ACSM3: variants seen among roughly 807,000 people sequenced by gnomAD.
ACSM3 encodes acyl-coenzyme A synthetase ACSM3, mitochondrial.
Under a neutral mutation model 74.1 loss-of-function variants are expected in ACSM3, and 61 were observed. That is an observed-to-expected ratio of 0.82 (90% confidence interval 0.67 to 1.02). The LOEUF (loss-of-function observed/expected upper bound fraction) is 1.02, where lower values mean the gene tolerates loss of function less well. Ranked by LOEUF, ACSM3 falls within the 50% of genes least tolerant of loss-of-function variation. The pLI is 0.00. For synonymous variants in ACSM3, 213 were observed against 241.5 expected (o/e 0.88, Z 1.09); for missense variants, 660 against 697.0 (o/e 0.95, Z 0.60).
At chr16:20,729,350 T>G (rs1293408162) in intron 1 of ACSM3, 3 of 1,447,504 alleles carry the variant, frequency 2.1e-6, no homozygotes, top group Non-Finnish European at 2.9e-6. Context: ...TGTCATTATT[T>G]CCTCTGGGTT....
intron 1 of ACSM3, among the ~76,000 whole-genome samples, chr16:20,707,898 C>A (rs1465416115): frequency 3.3e-5 from 5 of 152,146 alleles, no homozygotes; most frequent in Admixed American, 2.0e-4. Flanking sequence ...AATTGGATAT[C>A]TATGAATTGT....
intron 7 of ACSM3, among the ~76,000 whole-genome samples, chr16:20,782,206 A>C: frequency 6.6e-6 from 1 of 152,202 alleles, no homozygotes; most frequent in East Asian, 1.9e-4. Context: ...AAAGAAAAAC[A>C]ACCCCCGTTT....
chr16:20,796,347 G>A, intron 12 of ACSM3, 23 bp from the exon 13 acceptor site: 1 of 1,601,068 alleles, frequency 6.2e-7, no homozygotes, highest in Non-Finnish European at 8.5e-7. Flanking sequence ...TCATTTTCCT[G>A]GTGTTTCAAA....
rs371641001 is a variant in ACSM3, at chr16:20,776,198, G to A, written c.430+149G>A. On this transcript the variant is annotated intron_variant, in intron 3 of 13. Transcript: ENST00000289416. ...TTATATAAAAGTTAGGCCGTGGTAG[G>A]CTAATTCCTTATCCCTAGGTGGAAC... is the stretch of plus-strand genomic sequence containing the variant. 9 of 814,826 alleles carry A rather than the reference G, an allele frequency of 1.1e-5. No individual in the cohort carries two copies. In the African/African-American group the frequency reaches 1.6e-4, roughly 14 times the overall value. The allele number at this position is 814,826 out of a possible 1,614,324, so 50.5% of individuals were successfully genotyped here. A position where few individuals can be genotyped will look rare whatever the true frequency, so the allele number is the denominator to read the frequency against.
At chr16:20,718,670 GC>G (rs2079774315) in intron 1 of ACSM3, among the ~76,000 whole-genome samples, 1 of 152,260 alleles carries the variant, frequency 6.6e-6, no homozygotes, top group East Asian at 1.9e-4. Context: ...AATCTAACCA[GC>G]TGATCAAGCA....
At chr16:20,731,142 AG>A (rs1332567157) in intron 1 of ACSM3, among the ~76,000 whole-genome samples, 1 of 152,204 alleles carries the variant, frequency 6.6e-6, no homozygotes, top group Non-Finnish European at 1.5e-5. Flanking sequence ...GTGGGATTAT[AG>A]GTGTAAGCCA....
rs1445422544 is a variant in ACSM3, at chr16:20,777,502, AAT to A, written c.561_562del (p.Cys188Ter). 1 of 1,614,094 alleles carries A rather than the reference AAT, an allele frequency of 6.2e-7. No individual in the cohort carries two copies. On this transcript the variant is annotated frameshift_variant, in exon 4 of 14. Coordinates refer to ENST00000289416, the MANE Select transcript of ACSM3 (RefSeq NM_005622.4). LOFTEE classifies it high-confidence loss of function. ...CCAGCAGTAGACGCTGTTGCATCCA[AAT>A]GTGAAAATCTGCACTCCAAGCTGAT...
chr16:20,757,000 G>A (rs1015908312), intron 3 of ACSM3, among the ~76,000 whole-genome samples: 1 of 151,746 alleles, frequency 6.6e-6, no homozygotes, highest in Non-Finnish European at 1.5e-5. Context: ...CTATATCTCT[G>A]TTTTGGTACC....
intron 1 of ACSM3, chr16:20,703,530 A>AT (rs926297794): frequency 0.012 from 1,755 of 147,240 alleles, 43 homozygotes; most frequent in African/African-American, 0.039. Context: ...TCCTTCGCAG[A>AT]TTTTTTTTTT....
At chr16:20,685,583 A>T (rs2079533066) in intron 1 of ACSM3, among the ~76,000 whole-genome samples, 2 of 152,028 alleles carry the variant, frequency 1.3e-5, no homozygotes, top group Non-Finnish European at 2.9e-5. Flanking sequence ...GTACTTTAGG[A>T]GGTGGAGGCA....
At position 20,786,136 on chromosome 16, in the gene ACSM3, C is replaced by A; in HGVS notation, c.1202C>A (p.Pro401His). 1 of 1,608,952 alleles carries A rather than the reference C, an allele frequency of 6.2e-7. No homozygotes were observed. The highest frequency in any genetic ancestry group is 8.5e-7 in the Non-Finnish European group (1 of 1,177,808). Reference protein sequence around the residue: ...MKIKPGSMGKPSPAFDVKIVD... With the variant: ...MKIKPGSMGKHSPAFDVKIVD... ...ATTAAACCTGGCTCAATGGGAAAAC[C>A]TTCTCCTGCTTTCGATGTTAAGGTT... Residue 401 changes from proline (P) to histidine (H), a missense_variant, in exon 9 of 14, where the codon CCT (proline) becomes CAT (histidine). Transcript: ENST00000289416.
intron 1 of ACSM3, chr16:20,734,764 G>A (rs2152413461): frequency 6.6e-6 from 1 of 152,270 alleles, no homozygotes; most frequent in Non-Finnish European, 1.5e-5. Flanking sequence ...AACCCCTGCA[G>A]AGAACCCTCA....
intron 1 of ACSM3, among the ~76,000 whole-genome samples, chr16:20,687,893 G>A (rs958459824): frequency 6.6e-5 from 10 of 152,064 alleles, no homozygotes; most frequent in African/African-American, 2.4e-4. Context: ...AGACCAGCCT[G>A]GCCAACACGG....
chr16:20,682,962 T>G (rs192544955), intron 1 of ACSM3, among the ~76,000 whole-genome samples: 5 of 152,250 alleles, frequency 3.3e-5, no homozygotes, highest in Admixed American at 3.3e-4. Flanking sequence ...CCCTTCTATC[T>G]CCATTGCCAA....
intron 1 of ACSM3, among the ~76,000 whole-genome samples, chr16:20,701,610 G>T (rs2079713062): frequency 6.6e-6 from 1 of 152,120 alleles, no homozygotes; most frequent in Non-Finnish European, 1.5e-5. Context: ...GTGCCATGGT[G>T]GTTTGCCGCA....
intron 4 of ACSM3, chr16:20,780,135 A>G (rs530734131): frequency 9.1e-5 from 15 of 165,620 alleles, no homozygotes; most frequent in African/African-American, 3.4e-4. Flanking sequence ...AGTCAGTCTC[A>G]TCACAACTAC....
upstream of ACSM3, among the ~76,000 whole-genome samples, chr16:20,760,280 G>A (rs564927281): frequency 3.9e-5 from 6 of 152,280 alleles, no homozygotes; most frequent in Non-Finnish European, 5.9e-5. Flanking sequence ...GCTGCATTCT[G>A]TAGGAAAATC....
chr16:20,755,786 C>CA (rs67515746), intron 3 of ACSM3, among the ~76,000 whole-genome samples: 5 of 100,930 alleles, frequency 5.0e-5, no homozygotes, highest in Non-Finnish European at 8.1e-5. Flanking sequence ...CCCTCCCCCC[C>CA]CCCCACCCCA....
intron 1 of ACSM3, among the ~76,000 whole-genome samples, chr16:20,723,692 G>C (rs1297114681): frequency 6.6e-6 from 1 of 152,226 alleles, no homozygotes; most frequent in Non-Finnish European, 1.5e-5. Flanking sequence ...CTTTTGAGAA[G>C]TGTCTGTTCA....
Sources: gnomAD v4.1 joint callset for allele counts (sites outside exome capture counted in the v4.1 genomes callset) on GRCh38, gnomAD v4.1.1 for gene constraint, MANE v1.5 for transcripts, NCBI Gene and HGNC (gene_info 2026-07-23, HGNC 2026-07-21) for gene names.